DOCK9: variants seen among roughly 807,000 people sequenced by gnomAD.
The protein encoded by DOCK9 is dedicator of cytokinesis protein 9.
A neutral mutation model predicts 263.3 loss-of-function variants in DOCK9; 89 were observed. That is an observed-to-expected ratio of 0.34 (90% CI 0.28 to 0.40). DOCK9 has a LOEUF of 0.40. Among genes scored for constraint, DOCK9 ranks in the 10% least tolerant of loss-of-function variants. The pLI, the probability that DOCK9 is intolerant of heterozygous loss-of-function variation, is 1.00. For synonymous variants in DOCK9, 976 were observed against 973.1 expected, an observed-to-expected ratio of 1.00 and a Z score of -0.06; for missense variants, 2,140 against 2,603.4, an observed-to-expected ratio of 0.82 and a Z score of 3.87.
intron 3 of DOCK9, among the ~76,000 whole-genome samples, chr13:98,926,221 T>C (rs1408320720): frequency 1.3e-5 from 2 of 152,238 alleles, no homozygotes; most frequent in African/African-American, 2.4e-5. Flanking sequence ...CAATGGACTA[T>C]TTCAGAGTAA....
intron 49 of DOCK9, 30 bp downstream of exon 49, chr13:98,804,969 T>A: frequency 6.4e-7 from 1 of 1,570,012 alleles, no homozygotes; most frequent in Middle Eastern, 2.0e-4. Flanking sequence ...GTGTCCGGGC[T>A]CGTGTCCATG....
chr13:98,874,150 C>T (rs2094263507), intron 27 of DOCK9, among the ~76,000 whole-genome samples: 1 of 152,238 alleles, frequency 6.6e-6, no homozygotes, highest in South Asian at 2.1e-4. Flanking sequence ...TCCCCATCCC[C>T]ACCTCCAGTC....
intron 49 of DOCK9, 108 bp from the exon 50 acceptor site, chr13:98,800,586 T>C (rs2090003272): frequency 7.5e-7 from 1 of 1,330,288 alleles, no homozygotes; most frequent in African/African-American, 1.5e-5. Flanking sequence ...TTACTTACAT[T>C]TTTAAAATAA....
chr13:98,800,182 G>T, intron 50 of DOCK9, 106 bp downstream of exon 50: 3 of 1,222,512 alleles, frequency 2.5e-6, no homozygotes, highest in Non-Finnish European at 3.4e-6. Flanking sequence ...GGGATCACTT[G>T]GTAAACCGAG....
chr13:99,038,844 T>A (rs1888198126), intron 1 of DOCK9, among the ~76,000 whole-genome samples: 1 of 152,152 alleles, frequency 6.6e-6, no homozygotes. Flanking sequence ...TAAACCAAAG[T>A]CCTCCTAATT....
intron 4 of DOCK9, among the ~76,000 whole-genome samples, chr13:98,923,792 A>G (rs765800515): frequency 1.3e-5 from 2 of 152,210 alleles, no homozygotes; most frequent in Non-Finnish European, 2.9e-5. Flanking sequence ...AGCAGCTTAC[A>G]TTTACTCAAT....
chr13:99,052,690 T>G (rs1031771307), intron 1 of DOCK9, among the ~76,000 whole-genome samples: 1 of 151,948 alleles, frequency 6.6e-6, no homozygotes, highest in African/African-American at 2.4e-5. Flanking sequence ...AGCCTCGAAC[T>G]CCTGGGCTCA....
Position 98,873,220 on chromosome 13 carries a change from C to T in DOCK9, c.2944-4843G>A, listed in dbSNP as rs75592649. The stretch of plus-strand genomic sequence containing the variant: ...CAATAAGTCTCAAGCATGACTACTC[C>T]TATCTGTTGACTCAGATCAACACAG... On this transcript the variant is annotated intron_variant, in intron 27 of 52. Transcript: ENST00000682017. Among the ~76,000 whole-genome samples the T allele has an allele frequency of 1.6e-3, 247 of 152,228 alleles. 7 individuals carry two copies. In the South Asian group the frequency reaches 0.044, roughly 27 times the overall value.
In DOCK9 at chr13:98,831,686, T is replaced by C. The variant is rs1174808590; in HGVS notation, c.4415A>G (p.Lys1472Arg). 1.2e-6 allele frequency: 2 copies of C among 1,613,776 alleles called. No individual in the cohort carries two copies. Among genetic ancestry groups the C allele is most frequent in the Non-Finnish European group, 1.7e-6 (2 of 1,179,828 alleles). ...LQKHQSETAL[K>R]NVFTALRSLI... ...GGACCTTAAGGCAGTGAAGACATTT[T>C]TTAAAGCCGTTTCAGACTGATGTTT... The change falls in exon 40 of 53, where the codon AAA (lysine) becomes AGA (arginine). Residue 1472 changes from lysine (K) to arginine (R), a missense_variant. Coordinates refer to ENST00000682017, the MANE Select transcript of DOCK9 (RefSeq NM_001366683.2).
chr13:98,992,160 G>T (rs1879959810), intron 1 of DOCK9, among the ~76,000 whole-genome samples: 1 of 152,022 alleles, frequency 6.6e-6, no homozygotes, highest in African/African-American at 2.4e-5. Flanking sequence ...AGGGATGGCT[G>T]ACTACCTGTT....
chr13:98,847,857 A>G (rs937942177), intron 37 of DOCK9, among the ~76,000 whole-genome samples: 1 of 152,230 alleles, frequency 6.6e-6, no homozygotes, highest in Non-Finnish European at 1.5e-5. Context: ...GAAAAAAACA[A>G]ACAGACAATC....
rs1312627269 is a variant in DOCK9 at position 98,861,921 on chromosome 13, G to C, written c.3579+1098C>G. Among the ~76,000 whole-genome samples the C allele has an allele frequency of 3.3e-5, 5 of 152,310 alleles. No homozygotes were observed. The East Asian group carries it at 9.6e-4, about 29-fold the overall frequency. The stretch of plus-strand genomic sequence containing the variant: ...AGTCTCACTTCTAATCTGACAGAGG[G>C]AGAGAAACTGTAGCCCACAGAGGTG... On this transcript the variant is annotated intron_variant, in intron 32 of 52. Transcript: ENST00000682017.
At chr13:98,883,228 ATGTTGTTGT>A (rs368231464) in intron 22 of DOCK9, 97 bp from the exon 23 acceptor site, 25 of 1,075,030 alleles carry the variant, frequency 2.3e-5, no homozygotes, top group South Asian at 3.2e-5. Flanking sequence ...TTTTTGCTGT[ATGTTGTTGT>A]TGTTGTTGTT....
intron 45 of DOCK9, among the ~76,000 whole-genome samples, chr13:98,819,339 T>C (rs1251514603): frequency 6.6e-6 from 1 of 152,208 alleles, no homozygotes; most frequent in Non-Finnish European, 1.5e-5. Flanking sequence ...ATGGCCAGTC[T>C]ATGGAATTCA....
intron 6 of DOCK9, among the ~76,000 whole-genome samples, chr13:98,921,698 A>G (rs2052021592): frequency 6.6e-6 from 1 of 152,064 alleles, no homozygotes; most frequent in Admixed American, 6.6e-5. Flanking sequence ...GCTGCAGTAC[A>G]CCTCCACAGA....
chr13:98,795,219 T>C (rs574571810), intron 52 of DOCK9, among the ~76,000 whole-genome samples: 1 of 152,370 alleles, frequency 6.6e-6, no homozygotes, highest in East Asian at 1.9e-4. Flanking sequence ...CAACCTAGCC[T>C]TGACCTTGAA....
At chr13:98,805,739 T>C (rs1566536305) in intron 48 of DOCK9, among the ~76,000 whole-genome samples, 2 of 152,312 alleles carry the variant, frequency 1.3e-5, no homozygotes, top group East Asian at 3.9e-4. Flanking sequence ...TTCCCTATCA[T>C]TCATTTTTCC....
chr13:99,064,979 A>G (rs1397410686), intron 1 of DOCK9, among the ~76,000 whole-genome samples: 2 of 152,180 alleles, frequency 1.3e-5, no homozygotes, highest in African/African-American at 4.8e-5. Context: ...CTGAAAGCGA[A>G]GGACCAGATA....
At chr13:98,898,054 T>A (rs2047696932) in intron 14 of DOCK9, 125 bp downstream of exon 14, 1 of 697,020 alleles carries the variant, frequency 1.4e-6, no homozygotes, top group Non-Finnish European at 2.4e-6. Context: ...AAATCTGGGC[T>A]TATGTATTTC....
Sources: gnomAD v4.1 joint callset for allele counts (sites outside exome capture counted in the v4.1 genomes callset) on GRCh38, gnomAD v4.1.1 for gene constraint, MANE v1.5 for transcripts, NCBI Gene and HGNC (gene_info 2026-07-23, HGNC 2026-07-21) for gene names.